The following RBFOX1 variants were observed in gnomAD, a reference collection of about 807,000 sequenced individuals.
The protein encoded by RBFOX1 is RNA binding protein fox-1 homolog 1.
In RBFOX1, 8 loss-of-function variants were observed where a neutral mutation model predicts 57.7. The ratio of observed to expected loss-of-function variants is 0.14; its 90% CI spans 0.08 to 0.25. The LOEUF (loss-of-function observed/expected upper bound fraction) is 0.25, where lower values mean the gene tolerates loss of function less well. Ranked by LOEUF, RBFOX1 falls within the 10% of genes least tolerant of loss-of-function variation. RBFOX1 has a pLI of 1.00. For missense variants in RBFOX1, 611 were observed against 548.5 expected (o/e 1.11, Z -1.14); for synonymous variants, 326 against 222.4 (o/e 1.47, Z -4.15).
intron 2 of RBFOX1, among the ~76,000 whole-genome samples, chr16:6,385,892 A>C (rs73532350): frequency 7.9e-5 from 12 of 152,046 alleles, no homozygotes; most frequent in East Asian, 3.9e-4. Context: ...AGCTTCCCCA[A>C]CATTAGTGTG....
intron 1 of RBFOX1, among the ~76,000 whole-genome samples, chr16:6,109,584 G>C (rs1243887246): frequency 6.6e-6 from 1 of 151,992 alleles, no homozygotes; most frequent in East Asian, 1.9e-4. Flanking sequence ...CTATTTTCTA[G>C]TGCACTTAAA....
At chr16:5,935,855 C>G (rs2059157359) in intron 4 of RBFOX1, among the ~76,000 whole-genome samples, 1 of 152,082 alleles carries the variant, frequency 6.6e-6, no homozygotes, top group African/African-American at 2.4e-5. Context: ...CTAAATGCCC[C>G]ATTGGATATC....
chr16:5,373,327 C>T (rs1371491310), intron 1 of RBFOX1, among the ~76,000 whole-genome samples: 3 of 152,064 alleles, frequency 2.0e-5, no homozygotes, highest in African/African-American at 7.2e-5. Flanking sequence ...AATTGTAATC[C>T]CTGATGTTGG....
intron 2 of RBFOX1, among the ~76,000 whole-genome samples, chr16:6,484,264 G>A (rs563794260): frequency 1.3e-5 from 2 of 152,224 alleles, no homozygotes; most frequent in African/African-American, 2.4e-5. Flanking sequence ...CATTTGCGAA[G>A]TTGGCATGCT....
chr16:6,823,805 C>G (rs749717888), intron 3 of RBFOX1, among the ~76,000 whole-genome samples: 14 of 152,120 alleles, frequency 9.2e-5, no homozygotes, highest in Non-Finnish European at 2.1e-4. Flanking sequence ...ATAGGAGATT[C>G]CTACCTCTGG....
At chr16:6,499,471 G>A (rs1238999277) in intron 2 of RBFOX1, among the ~76,000 whole-genome samples, 2 of 152,098 alleles carry the variant, frequency 1.3e-5, no homozygotes, top group African/African-American at 2.4e-5. Context: ...ACAGCCTAGG[G>A]ACAATGGTAT....
chr16:6,298,516 G>A (rs2078408630), intron 1 of RBFOX1, among the ~76,000 whole-genome samples: 1 of 152,192 alleles, frequency 6.6e-6, no homozygotes, highest in Non-Finnish European at 1.5e-5. Flanking sequence ...CTGCTGGTAA[G>A]CCTTGATTTC....
chr16:7,012,710 C>T (rs1407399832), intron 3 of RBFOX1, among the ~76,000 whole-genome samples: 1 of 152,144 alleles, frequency 6.6e-6, no homozygotes, highest in Admixed American at 6.5e-5. Flanking sequence ...GCCAGAGTGA[C>T]TTGCTTTGTA....
intron 3 of RBFOX1, among the ~76,000 whole-genome samples, chr16:6,825,751 G>C (rs2092037867): frequency 6.6e-6 from 1 of 152,158 alleles, no homozygotes. Flanking sequence ...CCAGGGACAC[G>C]TGTAACGGGG....
chr16:6,900,369 C>T (rs190971859), intron 3 of RBFOX1, among the ~76,000 whole-genome samples: 66 of 152,328 alleles, frequency 4.3e-4, no homozygotes, highest in Middle Eastern at 3.4e-3. Flanking sequence ...CCTTCTGTAA[C>T]CTCTATCCAT....
chr16:5,821,289 T>TC (rs1567586099), intron 3 of RBFOX1, among the ~76,000 whole-genome samples: 3 of 131,740 alleles, frequency 2.3e-5, no homozygotes, highest in Admixed American at 7.2e-5. Flanking sequence ...TCATTCTCTC[T>TC]TTTTTTATTT....
chr16:5,288,402 A>T (rs961172377), intron 1 of RBFOX1, among the ~76,000 whole-genome samples: 1 of 152,194 alleles, frequency 6.6e-6, no homozygotes, highest in African/African-American at 2.4e-5. Flanking sequence ...ACATTAGCCA[A>T]CATTCTAAAT....
Position 7,026,929 on chromosome 16 carries a change from C to T in RBFOX1, c.-15-25128C>T, listed in dbSNP as rs144195624. Among the ~76,000 whole-genome samples the T allele has an allele frequency of 6.0e-3, 919 of 152,264 alleles. 11 individuals are homozygous for T. Among genetic ancestry groups the T allele is most frequent in the African/African-American group, 0.021 (879 of 41,556 alleles). On this transcript the variant is annotated intron_variant, in intron 3 of 15. Coordinates refer to ENST00000550418, the MANE Select transcript of RBFOX1 (RefSeq NM_018723.4). ...GTAGGGTAATACCGGAGCTGGCGGC[C>T]TCCCAGGAAGGCTGCAAAGTGCTTG...
At chr16:5,759,707 C>G (rs368320985) in intron 3 of RBFOX1, among the ~76,000 whole-genome samples, 2 of 152,172 alleles carry the variant, frequency 1.3e-5, no homozygotes, top group African/African-American at 4.8e-5. Flanking sequence ...GCCTCTCGGT[C>G]TTTCTCTAAA....
chr16:6,671,355 TAAA>T (rs1442456290), intron 3 of RBFOX1, among the ~76,000 whole-genome samples: 5 of 152,170 alleles, frequency 3.3e-5, no homozygotes. Context: ...TAATGTTTAA[TAAA>T]AACACATCTT....
chr16:6,780,800 T>C (rs1177244363), intron 3 of RBFOX1, among the ~76,000 whole-genome samples: 2 of 151,914 alleles, frequency 1.3e-5, no homozygotes, highest in African/African-American at 4.8e-5. Context: ...TTCTTGAGAA[T>C]TGTCTATTCA....
intron 4 of RBFOX1, among the ~76,000 whole-genome samples, chr16:7,366,285 G>C (rs2097445387): frequency 6.6e-6 from 1 of 152,236 alleles, no homozygotes; most frequent in African/African-American, 2.4e-5. Flanking sequence ...AGCTGTGTCA[G>C]AGAATGTCAC....
chr16:5,354,990 G>A (rs2065351202), intron 1 of RBFOX1, among the ~76,000 whole-genome samples: 1 of 128,398 alleles, frequency 7.8e-6, no homozygotes, highest in South Asian at 3.0e-4. Context: ...AAGGGGTGAA[G>A]GGATGTGTAT....
At chr16:7,447,139 G>A (rs1168522913) in intron 4 of RBFOX1, among the ~76,000 whole-genome samples, 1 of 151,946 alleles carries the variant, frequency 6.6e-6, no homozygotes, top group African/African-American at 2.4e-5. Flanking sequence ...TTTATGAGAT[G>A]TGACACTTAC....
Sources: gnomAD v4.1 joint callset for allele counts (sites outside exome capture counted in the v4.1 genomes callset) on GRCh38, gnomAD v4.1.1 for gene constraint, MANE v1.5 for transcripts, NCBI Gene and HGNC (gene_info 2026-07-23, HGNC 2026-07-21) for gene names.